Variants in TTLL1 observed in about 807,000 individuals in gnomAD.
The protein encoded by TTLL1 is polyglutamylase complex subunit TTLL1.
In TTLL1, 33 loss-of-function variants were observed where a neutral mutation model predicts 47.8. The observed-to-expected ratio is 0.69, with a 90% confidence interval of 0.52 to 0.92. The LOEUF is 0.92. Among genes scored for constraint, TTLL1 ranks in the 40% least tolerant of loss-of-function variants. The pLI is 0.00. For synonymous variants in TTLL1, 225 were observed against 214.1 expected (o/e 1.05, Z -0.45); for missense variants, 488 against 547.5 (o/e 0.89, Z 1.08).
chr22:43,049,626 A>C (rs1157568772), intron 9 of TTLL1, among the ~76,000 whole-genome samples: 2 of 150,022 alleles, frequency 1.3e-5, no homozygotes, highest in African/African-American at 4.9e-5. Context: ...AAAATTAGCC[A>C]AGCATGGTGG....
chr22:43,083,005 ACT>A (rs1928996566), intron 1 of TTLL1, among the ~76,000 whole-genome samples: 1 of 147,678 alleles, frequency 6.8e-6, no homozygotes, highest in African/African-American at 2.5e-5. Flanking sequence ...CAAGAACAAA[ACT>A]CTGTCTCAAA....
At chr22:43,063,553 C>T (rs1927527073) in intron 7 of TTLL1, among the ~76,000 whole-genome samples, 1 of 151,330 alleles carries the variant, frequency 6.6e-6, no homozygotes, top group Non-Finnish European at 1.5e-5. Flanking sequence ...GCAACCTTTG[C>T]CTTCTGGTTC....
intron 7 of TTLL1, 104 bp downstream of exon 7, chr22:43,063,709 A>G: frequency 9.8e-7 from 1 of 1,017,022 alleles, no homozygotes; most frequent in Non-Finnish European, 1.5e-6. Flanking sequence ...CAGGTGATCC[A>G]CCCGCCTCAG....
intron 1 of TTLL1, among the ~76,000 whole-genome samples, chr22:43,083,324 G>A (rs1159074851): frequency 6.6e-6 from 1 of 152,126 alleles, no homozygotes; most frequent in African/African-American, 2.4e-5. Flanking sequence ...AGCCAAGATT[G>A]CACCACTGCA....
At chr22:43,054,127 T>A (rs758410116) in intron 8 of TTLL1, among the ~76,000 whole-genome samples, 15 of 152,272 alleles carry the variant, frequency 9.9e-5, no homozygotes, top group Non-Finnish European at 1.3e-4. Context: ...AAGTCCCCTG[T>A]CGGGATATGG....
At chr22:43,064,001 G>C in intron 6 of TTLL1, 80 bp from the exon 7 acceptor site, 1 of 1,473,064 alleles carries the variant, frequency 6.8e-7, no homozygotes, top group Non-Finnish European at 9.4e-7. Context: ...AAAAAGAGCT[G>C]CTTTTGTGTG....
At chr22:43,088,183 G>A (rs1929362157) in intron 1 of TTLL1, among the ~76,000 whole-genome samples, 1 of 151,944 alleles carries the variant, frequency 6.6e-6, no homozygotes, top group African/African-American at 2.4e-5. Flanking sequence ...AACAATGTCA[G>A]TGATGACTTC....
chr22:43,050,626 G>A lies in TTLL1; in HGVS notation c.978+1175C>T, dbSNP rs911492545. ...CAACCTCAGCCTCCCCAGTTCAAGC[G>A]ATTCTTCTGCCTCGGCCTCCCCGGT... is the stretch of plus-strand genomic sequence containing the variant. On this transcript the variant is annotated intron_variant, in intron 9 of 10. Coordinates refer to ENST00000266254, the MANE Select transcript of TTLL1 (RefSeq NM_012263.5). Among the ~76,000 whole-genome samples the A allele has an allele frequency of 5.3e-5, 8 of 151,586 alleles. 1 individual carries two copies. Among genetic ancestry groups the A allele is most frequent in the African/African-American group, 1.7e-4 (7 of 41,376 alleles).
At chr22:43,070,226 C>T in intron 3 of TTLL1, 1 of 1,323,728 alleles carries the variant, frequency 7.6e-7, no homozygotes, top group Non-Finnish European at 1.0e-6. Flanking sequence ...TACCGAAATT[C>T]AGGAAGGTCA....
chr22:43,052,009 T>C, intron 8 of TTLL1, 122 bp from the exon 9 acceptor site: 1 of 845,122 alleles, frequency 1.2e-6, no homozygotes, highest in South Asian at 1.4e-5. Flanking sequence ...GTTCCCACCC[T>C]CCACCACAAA....
At chr22:43,056,191 T>C in intron 8 of TTLL1, among the ~76,000 whole-genome samples, 1 of 151,764 alleles carries the variant, frequency 6.6e-6, no homozygotes, top group Non-Finnish European at 1.5e-5. Flanking sequence ...GAAACCTGTC[T>C]CTACTAAAAA....
chr22:43,081,610 C>T (rs1928893087), intron 1 of TTLL1, among the ~76,000 whole-genome samples: 1 of 151,956 alleles, frequency 6.6e-6, no homozygotes, highest in Non-Finnish European at 1.5e-5. Flanking sequence ...AGTGCAGTGG[C>T]GCGATCTCAG....
rs753789984 is a variant in TTLL1 at position 43,046,403 on chromosome 22, C to A, written c.1142+7G>T. On this transcript the variant is annotated splice_region_variant and intron_variant, in intron 10 of 10. Coordinates refer to ENST00000266254, the MANE Select transcript of TTLL1 (RefSeq NM_012263.5). ...AAGGACAAGCGCACAGTCACACACACACTTACAGAATCTCGTAATTGCCGA... is the reference window on the plus strand; with the variant it reads ...AAGGACAAGCGCACAGTCACACACAAACTTACAGAATCTCGTAATTGCCGA... 6.2e-7 allele frequency: 1 copy of A among 1,613,996 alleles called. No individual in the cohort carries two copies. Among genetic ancestry groups the A allele is most frequent in the South Asian group, 1.1e-5 (1 of 91,076 alleles).
intron 10 of TTLL1, among the ~76,000 whole-genome samples, chr22:43,040,930 CG>C (rs911229093): frequency 6.6e-6 from 1 of 152,164 alleles, no homozygotes; most frequent in African/African-American, 2.4e-5. Flanking sequence ...CCCACAGTGG[CG>C]GGGCCCTTCT....
chr22:43,056,110 C>T (rs1249480796), intron 8 of TTLL1, among the ~76,000 whole-genome samples: 1 of 151,798 alleles, frequency 6.6e-6, no homozygotes, highest in Non-Finnish European at 1.5e-5. Flanking sequence ...GCCTGTAATC[C>T]CAGCACTTTG....
At chr22:43,048,309 T>C (rs578092694) in intron 9 of TTLL1, among the ~76,000 whole-genome samples, 1 of 149,798 alleles carries the variant, frequency 6.7e-6, no homozygotes, top group African/African-American at 2.5e-5. Flanking sequence ...AGAGTGAGAC[T>C]CCGTCTCAAA....
intron 6 of TTLL1, 103 bp from the exon 7 acceptor site, chr22:43,064,024 G>T: frequency 1.4e-6 from 2 of 1,474,374 alleles, no homozygotes; most frequent in South Asian, 1.2e-5. Flanking sequence ...TGATTTACAC[G>T]ACTCACATCG....
intron 8 of TTLL1, among the ~76,000 whole-genome samples, chr22:43,057,776 C>T (rs1927117186): frequency 6.6e-6 from 1 of 151,838 alleles, no homozygotes; most frequent in South Asian, 2.1e-4. Context: ...GGGAGGGTTG[C>T]TTTCCTGCCC....
chr22:43,065,018 G>A (rs1408569082), intron 5 of TTLL1, among the ~76,000 whole-genome samples: 1 of 151,902 alleles, frequency 6.6e-6, no homozygotes, highest in Non-Finnish European at 1.5e-5. Context: ...GGGGGCGGGT[G>A]CCTGTAATTC....
Sources: gnomAD v4.1 joint callset for allele counts (sites outside exome capture counted in the v4.1 genomes callset) on GRCh38, gnomAD v4.1.1 for gene constraint, MANE v1.5 for transcripts, NCBI Gene and HGNC (gene_info 2026-07-23, HGNC 2026-07-21) for gene names.